Variants in MAPK8 observed in about 807,000 individuals in gnomAD.
MAPK8 encodes the protein mitogen-activated protein kinase 8, also known as JUN N-terminal kinase.
In MAPK8, 13 loss-of-function variants were observed where a neutral mutation model predicts 52.9. The ratio of observed to expected loss-of-function variants is 0.25; its 90% CI spans 0.16 to 0.39. The LOEUF (loss-of-function observed/expected upper bound fraction) is 0.39. Among genes scored for constraint, MAPK8 ranks in the 10% least tolerant of loss-of-function variants. The pLI, the probability that MAPK8 is intolerant of heterozygous loss-of-function variation, is 1.00. For synonymous variants in MAPK8, 191 were observed against 169.8 expected, an observed-to-expected ratio of 1.12 and a Z score of -0.97; for missense variants, 300 against 519.2, an observed-to-expected ratio of 0.58 and a Z score of 4.10.
intron 1 of MAPK8, among the ~76,000 whole-genome samples, chr10:48,333,297 A>G (rs980899488): frequency 2.0e-5 from 3 of 152,178 alleles, no homozygotes; most frequent in Admixed American, 1.3e-4. Context: ...TCTTTGATTT[A>G]ATATATTCCT....
chr10:48,308,582 A>G (rs1250846349), intron 1 of MAPK8, among the ~76,000 whole-genome samples: 1 of 152,156 alleles, frequency 6.6e-6, no homozygotes, highest in Non-Finnish European at 1.5e-5. Context: ...GTGCTAGTTT[A>G]TGTGTGTCCG....
intron 7 of MAPK8, chr10:48,424,477 A>G: frequency 7.3e-7 from 1 of 1,367,664 alleles, no homozygotes; most frequent in Admixed American, 2.3e-5. Flanking sequence ...ATTTTAACCA[A>G]AATCTTTATG....
chr10:48,315,036 T>C (rs1842361002), intron 1 of MAPK8, among the ~76,000 whole-genome samples: 1 of 152,244 alleles, frequency 6.6e-6, no homozygotes, highest in Admixed American at 6.5e-5. Flanking sequence ...CATTGACCCA[T>C]CTGCCTGTTT....
rs1213886209 is a variant in MAPK8 at position 48,306,755 on chromosome 10, G to A, written c.-116G>A. 1 of 151,518 alleles carries A rather than the reference G, an allele frequency of 6.6e-6. No homozygotes were observed. Among genetic ancestry groups the A allele is most frequent in the African/African-American group, 2.4e-5 (1 of 41,394 alleles). 9.4% of individuals were successfully genotyped at this position (151,518 alleles called of 1,614,324 possible). Reference sequence around the variant, plus strand: ...CGAGCAGCGCTGGGTAACGGCCGCGGCGACCACCCCGGACGGCCCCTGTCC... The same window carrying A: ...CGAGCAGCGCTGGGTAACGGCCGCGACGACCACCCCGGACGGCCCCTGTCC... On this transcript the variant is annotated 5_prime_UTR_variant, in exon 1 of 12. Coordinates refer to ENST00000374189, the MANE Select transcript of MAPK8 (RefSeq NM_001323329.2).
rs760496289 is a variant in MAPK8 at position 48,437,569 on chromosome 10, C to T, written c.*2540C>T. Reference sequence around the variant, plus strand: ...TACCAATGTCTTCCTGGTTACTATTCTCTTCCCTCTAATATATACTGGCCA... The same window carrying T: ...TACCAATGTCTTCCTGGTTACTATTTTCTTCCCTCTAATATATACTGGCCA... On this transcript the variant is annotated 3_prime_UTR_variant, in exon 12 of 12. Coordinates refer to ENST00000374189, the MANE Select transcript of MAPK8 (RefSeq NM_001323329.2). 6.6e-6 allele frequency: 1 copy of T among 151,306 alleles called. No homozygotes were observed. Among genetic ancestry groups the T allele is most frequent in the Non-Finnish European group, 1.5e-5 (1 of 67,780 alleles). The allele number at this position is 151,306 out of a possible 1,614,324, so 9.4% of individuals were successfully genotyped here.
chr10:48,428,907 A>G (rs1309816474), intron 10 of MAPK8, among the ~76,000 whole-genome samples: 2 of 151,760 alleles, frequency 1.3e-5, no homozygotes, highest in African/African-American at 2.4e-5. Context: ...TGCAGCATCA[A>G]AACTCCTGAG....
At chr10:48,354,491 T>C (rs1439357051) in intron 1 of MAPK8, among the ~76,000 whole-genome samples, 2 of 152,230 alleles carry the variant, frequency 1.3e-5, no homozygotes, top group Admixed American at 1.3e-4. Flanking sequence ...ATTTTCTGCA[T>C]GCTTCTTAGT....
intron 1 of MAPK8, among the ~76,000 whole-genome samples, chr10:48,318,358 C>T (rs1842696541): frequency 6.6e-6 from 1 of 152,124 alleles, no homozygotes; most frequent in Non-Finnish European, 1.5e-5. Context: ...GTTTGAATAA[C>T]TGGGTACTAC....
At chr10:48,392,818 GTCT>G (rs2041697693) in intron 1 of MAPK8, among the ~76,000 whole-genome samples, 1 of 151,684 alleles carries the variant, frequency 6.6e-6, no homozygotes, top group South Asian at 2.1e-4. Context: ...TTCATCTTTG[GTCT>G]TCTTTGTTAA....
chr10:48,366,424 G>A (rs1848048347), intron 1 of MAPK8, among the ~76,000 whole-genome samples: 1 of 152,114 alleles, frequency 6.6e-6, no homozygotes, highest in African/African-American at 2.4e-5. Context: ...GAAATTACCT[G>A]ATTGGTGCAG....
Position 48,427,089 on chromosome 10 carries a change from A to G in MAPK8, c.1006A>G (p.Lys336Glu). The G allele has an allele frequency of 1.9e-6, 3 of 1,613,130 alleles. No individual in the cohort carries two copies. Among genetic ancestry groups the G allele is most frequent in the South Asian group, 1.1e-5 (1 of 91,052 alleles). ...DPSEAEAPPP[K>E]IPDKQLDERE... ...GCCTTGTGTTTTTCAGCCACCACCA[A>G]AGATCCCTGACAAGCAGTTAGATGA... Residue 336 changes from lysine to glutamate, a missense_variant, in exon 10 of 12, where the codon AAG becomes GAG. Coordinates refer to ENST00000374189, the MANE Select transcript of MAPK8 (RefSeq NM_001323329.2).
intron 1 of MAPK8, among the ~76,000 whole-genome samples, chr10:48,320,703 G>A (rs2132148249): frequency 6.6e-6 from 1 of 152,200 alleles, no homozygotes; most frequent in Admixed American, 6.5e-5. Context: ...AAGTTTTTTT[G>A]TGTTGTATGT....
rs375016079 is a variant in MAPK8 at position 48,409,858 on chromosome 10, G to A, written c.253-21G>A. On this transcript the variant is annotated intron_variant, in intron 3 of 11. Transcript: ENST00000374189. The stretch of plus-strand genomic sequence containing the variant: ...TTATGAAGTAATTTCTAATTTTTCT[G>A]TCTCTCGACTTTTATTATAGATAAT... The A allele has an allele frequency of 1.4e-4, 213 of 1,552,290 alleles. 1 individual carries two copies. The African/African-American group carries it at 2.7e-3, about 20-fold the overall frequency.
At chr10:48,375,291 T>G (rs1286780563) in intron 1 of MAPK8, among the ~76,000 whole-genome samples, 1 of 152,192 alleles carries the variant, frequency 6.6e-6, no homozygotes, top group Non-Finnish European at 1.5e-5. Context: ...TTGTACTGAT[T>G]GGGCAAAAAC....
At chr10:48,410,005 C>T (rs751602155) in intron 4 of MAPK8, 25 bp from the exon 5 acceptor site, 1 of 1,604,324 alleles carries the variant, frequency 6.2e-7, no homozygotes, top group Admixed American at 1.7e-5. Context: ...GACACTTTAG[C>T]TGTTCTCTTT....
chr10:48,382,811 A>G (rs975310669), intron 1 of MAPK8, among the ~76,000 whole-genome samples: 1 of 146,970 alleles, frequency 6.8e-6, no homozygotes, highest in Non-Finnish European at 1.5e-5. Flanking sequence ...AATATATATT[A>G]TATATATGAC....
At chr10:48,397,213 A>G (rs957941073) in intron 1 of MAPK8, among the ~76,000 whole-genome samples, 7 of 151,228 alleles carry the variant, frequency 4.6e-5, no homozygotes, top group Admixed American at 2.0e-4. Flanking sequence ...CAGTAGTGCT[A>G]TCATAGCTCA....
chr10:48,371,364 G>A (rs1482235548), intron 1 of MAPK8, among the ~76,000 whole-genome samples: 1 of 152,058 alleles, frequency 6.6e-6, no homozygotes, highest in Non-Finnish European at 1.5e-5. Flanking sequence ...AAGACCATTT[G>A]TTTTTGTACT....
intron 1 of MAPK8, among the ~76,000 whole-genome samples, chr10:48,334,764 C>T (rs1008518185): frequency 9.9e-5 from 15 of 152,098 alleles, no homozygotes; most frequent in African/African-American, 2.2e-4. Flanking sequence ...ATAATGGACT[C>T]GGAGACATGA....
Sources: gnomAD v4.1 joint callset for allele counts (sites outside exome capture counted in the v4.1 genomes callset) on GRCh38, gnomAD v4.1.1 for gene constraint, MANE v1.5 for transcripts, NCBI Gene and HGNC (gene_info 2026-07-23, HGNC 2026-07-21) for gene names.